Variants in INTS6L observed in about 807,000 individuals in gnomAD.
The protein encoded by INTS6L is integrator complex subunit 6 like.
INTS6L carries 18 observed loss-of-function variants against 64.7 expected under a neutral mutation model. The observed-to-expected ratio is 0.28, with a 90% confidence interval of 0.19 to 0.41. The LOEUF (loss-of-function observed/expected upper bound fraction) is 0.41. Among genes scored for constraint, INTS6L ranks in the 10% least tolerant of loss-of-function variants. INTS6L has a pLI of 1.00. For synonymous variants in INTS6L, 227 were observed against 235.9 expected (o/e 0.96, Z 0.34); for missense variants, 533 against 661.0 (o/e 0.81, Z 2.12).
intron 9 of INTS6L, among the ~76,000 whole-genome samples, chrX:135,564,624 C>T (rs1220967142): frequency 9.2e-6 from 1 of 108,326 alleles, no homozygotes; most frequent in East Asian, 2.9e-4. Flanking sequence ...TCCCACTACT[C>T]GGGAGGCTGA....
intron 2 of INTS6L, among the ~76,000 whole-genome samples, chrX:135,527,702 T>C (rs1419399909): frequency 9.0e-6 from 1 of 111,628 alleles, no homozygotes; most frequent in East Asian, 2.8e-4. Context: ...TCTATATGCT[T>C]GTTTGGTTAT....
At chrX:135,566,181 C>T (rs1331244222) in intron 9 of INTS6L, among the ~76,000 whole-genome samples, 2 of 111,794 alleles carry the variant, frequency 1.8e-5, no homozygotes, top group African/African-American at 6.5e-5. Flanking sequence ...TCTGTCTATG[C>T]CTCAGTTTCC....
At chrX:135,530,083 A>G (rs782425103) in intron 2 of INTS6L, among the ~76,000 whole-genome samples, 2 of 112,234 alleles carry the variant, frequency 1.8e-5, no homozygotes, top group South Asian at 7.4e-4. Context: ...TCTCATTATG[A>G]TGCATGTCCT....
chrX:135,521,385 C>G (rs1289122737), intron 2 of INTS6L, 67 bp downstream of exon 2: 9 of 1,073,333 alleles, frequency 8.4e-6, no homozygotes, highest in Non-Finnish European at 1.0e-5. Flanking sequence ...TGCTTACCCC[C>G]CTGCCCCCGC....
chrX:135,546,993 C>A, intron 5 of INTS6L, 108 bp downstream of exon 5: 1 of 1,102,641 alleles, frequency 9.1e-7, no homozygotes, highest in African/African-American at 1.8e-5. Flanking sequence ...AGCCTTTTAA[C>A]TCTGTTGCTT....
At chrX:135,570,746 G>A in intron 11 of INTS6L, 200 bp downstream of exon 11, 1 of 433,674 alleles carries the variant, frequency 2.3e-6, no homozygotes, top group Non-Finnish European at 3.6e-6. Flanking sequence ...ATTTGATGCT[G>A]TGCCATTTCT....
intron 9 of INTS6L, among the ~76,000 whole-genome samples, chrX:135,558,780 CTTTTTTCTTTTT>C (rs1415321969): frequency 7.8e-5 from 8 of 103,219 alleles, no homozygotes; most frequent in African/African-American, 2.9e-4. Context: ...TTCTTCTTTT[CTTTTTTCTTTTT>C]TTTTTTTTTT....
intron 9 of INTS6L, among the ~76,000 whole-genome samples, chrX:135,566,923 GGAGAGGTAT>G (rs2086967113): frequency 8.9e-6 from 1 of 111,959 alleles, no homozygotes; most frequent in Non-Finnish European, 1.9e-5. Context: ...AGGAAGAAAG[GGAGAGGTAT>G]GAGAATAGAG....
chrX:135,548,762 A>T (rs782587248), intron 6 of INTS6L, among the ~76,000 whole-genome samples: 1 of 112,015 alleles, frequency 8.9e-6, no homozygotes, highest in Non-Finnish European at 1.9e-5. Context: ...GTTTAAAGTA[A>T]TGCTTAAATA....
chrX:135,551,928 T>C, intron 7 of INTS6L, 66 bp from the exon 8 acceptor site: 1 of 960,838 alleles, frequency 1.0e-6, no homozygotes, highest in Non-Finnish European at 1.3e-6. Context: ...TGCAGAATTG[T>C]CAGAAATATA....
chrX:135,523,451 C>A lies in INTS6L; in HGVS notation c.189+2133C>A, dbSNP rs782367518. 1.5e-3 allele frequency among the ~76,000 whole-genome samples: 157 copies of A among 101,361 alleles called. 2 individuals carry two copies. Among genetic ancestry groups the A allele is most frequent in the African/African-American group, 5.2e-3 (146 of 28,199 alleles). 88.0% of individuals were successfully genotyped at this position (101,361 alleles called of 115,157 possible). On this transcript the variant is annotated intron_variant, in intron 2 of 17. Transcript: ENST00000639893. ...AAGGAACAACCTATTTATCATTTTT[C>A]CATATGCCAAGAAGGATTGTTTAAA...
rs781971179 is a variant in INTS6L at position 135,530,228 on chromosome X, C to T, written c.189+8910C>T. Among the ~76,000 whole-genome samples, 30 of 112,491 alleles carry T rather than the reference C, an allele frequency of 2.7e-4. No homozygotes were observed. The South Asian group carries it at 9.5e-3, about 35-fold the overall frequency. On this transcript the variant is annotated intron_variant, in intron 2 of 17. Coordinates refer to ENST00000639893, the MANE Select transcript of INTS6L (RefSeq NM_001351601.3). ...TAGTGTTATTATTTCTAATATTTCT[C>T]TGACTGTTGCTGGGTGAGTATTGTG...
chrX:135,563,892 C>T (rs1443233085), intron 9 of INTS6L, among the ~76,000 whole-genome samples: 3 of 110,041 alleles, frequency 2.7e-5, no homozygotes, highest in Admixed American at 9.7e-5. Flanking sequence ...TCTTGGCATG[C>T]ACTCCTCTGA....
rs2087385448 is a variant in INTS6L at position 135,582,148 on chromosome X, A to G, written c.*512A>G. The G allele has an allele frequency of 3.5e-5, 4 of 113,302 alleles. No individual in the cohort carries two copies. In the Admixed American group the frequency reaches 3.8e-4, roughly 11 times the overall value. The allele number at this position is 113,302 out of a possible 1,213,427, so 9.3% of individuals were successfully genotyped here. On this transcript the variant is annotated 3_prime_UTR_variant, in exon 18 of 18. Transcript: ENST00000639893. ...CAGGATAGTTTGAATCAAAGAAGTA[A>G]GAAGCTGCTATTTGGGTAACTTATT...
chrX:135,575,816 G>A (rs1205475205), intron 14 of INTS6L, among the ~76,000 whole-genome samples: 1 of 110,361 alleles, frequency 9.1e-6, no homozygotes, highest in African/African-American at 3.3e-5. Context: ...GTGTATGTGT[G>A]TGTGTGTGTG....
chrX:135,572,033 AACATTG>A (rs1347724148), intron 11 of INTS6L: 2 of 112,412 alleles, frequency 1.8e-5, no homozygotes, highest in African/African-American at 6.5e-5. Flanking sequence ...AGGTTTACCA[AACATTG>A]GTGGAATTCC....
In INTS6L at chrX:135,521,234, C is replaced by G. The variant is rs781915233; in HGVS notation, c.112-7C>G. On this transcript the variant is annotated splice_polypyrimidine_tract_variant and splice_region_variant and intron_variant, in intron 1 of 17. Transcript: ENST00000639893. ...CGCGACCCCCTCCGTCATCCCTTGC[C>G]CCGCAGCTGCGCGCCCGGGACCCGG... 1.2e-5 allele frequency: 14 copies of G among 1,204,660 alleles called. No individual in the cohort carries two copies. The highest frequency in any genetic ancestry group is 3.0e-5 in the East Asian group (1 of 33,544).
chrX:135,529,993 G>A (rs1274466402), intron 2 of INTS6L, among the ~76,000 whole-genome samples: 4 of 111,771 alleles, frequency 3.6e-5, no homozygotes, highest in African/African-American at 9.8e-5. Flanking sequence ...CTCTATTCTA[G>A]TCTATTCAGT....
In INTS6L at chrX:135,566,076, T is replaced by C. The variant is rs1026891552; in HGVS notation, c.1193-3261T>C. Among the ~76,000 whole-genome samples the C allele has an allele frequency of 1.8e-5, 2 of 111,938 alleles. 1 individual carries two copies. The highest frequency in any genetic ancestry group is 7.5e-4 in the South Asian group (2 of 2,673). On this transcript the variant is annotated intron_variant, in intron 9 of 17. Transcript: ENST00000639893. ...AATTCTCTGGGGAGTTTGACATTTA[T>C]AGTGGTTAAGAGTTTGGGCTGGAGG...
Sources: allele counts gnomAD v4.1 joint callset (sites outside exome capture counted in the v4.1 genomes callset), GRCh38; gene constraint gnomAD v4.1.1; transcripts MANE v1.5; gene names NCBI Gene and HGNC (gene_info 2026-07-23, HGNC 2026-07-21).